The following AMPD3 variants were observed in gnomAD, a reference collection of about 807,000 sequenced individuals.
AMPD3 encodes adenosine monophosphate deaminase 3.
A neutral mutation model predicts 82.3 loss-of-function variants in AMPD3; 57 were observed. The ratio of observed to expected loss-of-function variants is 0.69; its 90% confidence interval spans 0.56 to 0.86. AMPD3 has a LOEUF of 0.86. AMPD3 is among the 40% of genes least tolerant of loss of function. The pLI is 0.00. For missense variants in AMPD3, 870 were observed against 1,003.8 expected (o/e 0.87, Z 1.80); for synonymous variants, 381 against 394.7 (o/e 0.97, Z 0.41).
chr11:10,476,091 C>T (rs1173610635), intron 2 of AMPD3, among the ~76,000 whole-genome samples: 1 of 152,150 alleles, frequency 6.6e-6, no homozygotes, highest in African/African-American at 2.4e-5. Context: ...ATTTGTTCTG[C>T]AGCAATAGAA....
At chr11:10,462,568 G>T (rs973714815) in intron 2 of AMPD3, among the ~76,000 whole-genome samples, 2 of 152,156 alleles carry the variant, frequency 1.3e-5, no homozygotes, top group Non-Finnish European at 2.9e-5. Context: ...CACCTTCCAG[G>T]TTCTCCCAGT....
At chr11:10,504,470 G>GT (rs1849661471) in intron 13 of AMPD3, 79 bp from the exon 14 acceptor site, 2 of 1,408,186 alleles carry the variant, frequency 1.4e-6, no homozygotes, top group South Asian at 1.2e-5. Flanking sequence ...AGTGTCTGAT[G>GT]TTGTTAGCTT....
intron 3 of AMPD3, chr11:10,481,356 A>AT (rs1414955380): frequency 1.6e-4 from 125 of 802,488 alleles, no homozygotes; most frequent in Middle Eastern, 6.5e-4. Context: ...GACGGTGCTC[A>AT]TCGCCTTCAG....
chr11:10,491,755 C>T (rs532158779), intron 6 of AMPD3, among the ~76,000 whole-genome samples: 1 of 152,286 alleles, frequency 6.6e-6, no homozygotes, highest in African/African-American at 2.4e-5. Context: ...TCCTGGGATT[C>T]CAGAATCTGG....
Position 10,456,269 on chromosome 11 carries a change from C to T in AMPD3, c.-6+821C>T. On this transcript the variant is annotated intron_variant, in intron 1 of 14. Coordinates refer to ENST00000396553, the MANE Select transcript of AMPD3 (RefSeq NM_001025389.2). The surrounding 1 kb of genome is among the most constrained non-coding windows in gnomAD (Gnocchi z 4.3). The stretch of plus-strand genomic sequence containing the variant: ...ATATGCAAAACAGAGACCTCCTACT[C>T]CAGCCGGCAGACAGGACCCAGCCAG... The T allele has an allele frequency of 6.4e-7, 1 of 1,568,450 alleles. No homozygotes were observed. Among genetic ancestry groups the T allele is most frequent in the South Asian group, 1.2e-5 (1 of 84,798 alleles).
At chr11:10,472,774 C>T (rs922468152) in intron 2 of AMPD3, among the ~76,000 whole-genome samples, 2 of 152,064 alleles carry the variant, frequency 1.3e-5, no homozygotes, top group African/African-American at 2.4e-5. Context: ...GAGGCTGAGG[C>T]GGGTGGATCA....
At chr11:10,501,029 G>A (rs1045406662) in intron 11 of AMPD3, 1 of 985,422 alleles carries the variant, frequency 1.0e-6, no homozygotes, top group Non-Finnish European at 1.2e-6. Flanking sequence ...TTTGGAGATG[G>A]GGGCTCTGGT....
In AMPD3 at chr11:10,455,445, G is replaced by C. The variant is rs779381507; in HGVS notation, c.-9G>C. 45 of 985,310 alleles carry C rather than the reference G, an allele frequency of 4.6e-5. No individual in the cohort carries two copies. Among genetic ancestry groups the C allele is most frequent in the Admixed American group, 6.1e-5 (1 of 16,266 alleles). The allele number at this position is 985,310 out of a possible 1,614,324, so 61.0% of individuals were successfully genotyped here. ...GGAGGCCCACGTGGGAGCAGTGAGCGGCTGTAAGCAGGGGAGGGTTTGGGG... is the reference window on the plus strand; with the variant it reads ...GGAGGCCCACGTGGGAGCAGTGAGCCGCTGTAAGCAGGGGAGGGTTTGGGG... On this transcript the variant is annotated 5_prime_UTR_variant, in exon 1 of 15. Transcript: ENST00000396553.
chr11:10,483,328 C>T (rs1468278564), intron 4 of AMPD3, among the ~76,000 whole-genome samples: 1 of 152,132 alleles, frequency 6.6e-6, no homozygotes, highest in East Asian at 1.9e-4. Context: ...TGGTGGTCTC[C>T]ATCAATGCCT....
intron 12 of AMPD3, chr11:10,502,385 G>A (rs1037828195): frequency 2.8e-5 from 28 of 985,342 alleles, no homozygotes; most frequent in African/African-American, 1.6e-4. Flanking sequence ...GACTGGGTCC[G>A]TGCCTAGGAG....
At chr11:10,467,984 A>G (rs1483826136) in intron 2 of AMPD3, among the ~76,000 whole-genome samples, 1 of 152,226 alleles carries the variant, frequency 6.6e-6, no homozygotes, top group Admixed American at 6.5e-5. Flanking sequence ...TTTTGTCACC[A>G]CCAGGCCTGC....
chr11:10,496,018 A>G (rs1450634405), intron 9 of AMPD3, among the ~76,000 whole-genome samples: 2 of 151,376 alleles, frequency 1.3e-5, no homozygotes, highest in African/African-American at 2.4e-5. Flanking sequence ...CCCTGATTCA[A>G]GCAATTCTTT....
chr11:10,472,694 A>C (rs1316292798), intron 2 of AMPD3, among the ~76,000 whole-genome samples: 2 of 152,170 alleles, frequency 1.3e-5, no homozygotes, highest in Non-Finnish European at 2.9e-5. Context: ...TAGTCAATCT[A>C]TCCCCTTTTA....
intron 7 of AMPD3, chr11:10,493,767 T>C: frequency 1.6e-6 from 1 of 612,140 alleles, no homozygotes; most frequent in Non-Finnish European, 2.9e-6. Context: ...GTCTAAGCAC[T>C]AATCCCACTC....
Position 10,497,005 on chromosome 11 carries a change from T to C in AMPD3, c.1557+67T>C. On this transcript the variant is annotated intron_variant, in intron 10 of 14. Coordinates refer to ENST00000396553, the MANE Select transcript of AMPD3 (RefSeq NM_001025389.2). ...AGGCAGGAATGGATTCGCTGTGAGC[T>C]GGGTCAGGCTTGCTCCTGCCCTTCA... 3 of 1,586,606 alleles carry C rather than the reference T, an allele frequency of 1.9e-6. No individual in the cohort carries two copies. The South Asian group carries it at 3.3e-5, about 18-fold the overall frequency.
chr11:10,478,652 C>T lies in AMPD3; in HGVS notation c.348C>T (p.Ala116=), dbSNP rs750685553. 6 of 1,614,228 alleles carry T rather than the reference C, an allele frequency of 3.7e-6. No individual in the cohort carries two copies. The South Asian group carries it at 6.6e-5, about 18-fold the overall frequency. The change falls in exon 3 of 15, where the codon GCC becomes GCT. Residue 116 remains alanine, a synonymous_variant. Coordinates refer to ENST00000396553, the MANE Select transcript of AMPD3 (RefSeq NM_001025389.2). ...CCACAACCCCTGTGGTCACTGGAGC[C>T]ACTTCCCTGCCCACGCCAGCACCCT... The part of the protein sequence containing the change: ...MSPTTPVVTG[A]TSLPTPAPYA...
At chr11:10,491,928 G>A (rs1435947177) in intron 6 of AMPD3, among the ~76,000 whole-genome samples, 2 of 152,152 alleles carry the variant, frequency 1.3e-5, no homozygotes, top group Non-Finnish European at 2.9e-5. Context: ...ATTGGTATAA[G>A]GAAAATAATT....
chr11:10,498,850 G>A (rs1464568139), intron 10 of AMPD3, among the ~76,000 whole-genome samples: 1 of 152,204 alleles, frequency 6.6e-6, no homozygotes, highest in Non-Finnish European at 1.5e-5. Context: ...CTGGTAGCAA[G>A]CCTCCCCTGT....
chr11:10,479,574 A>G, intron 3 of AMPD3, among the ~76,000 whole-genome samples: 1 of 152,236 alleles, frequency 6.6e-6, no homozygotes, highest in East Asian at 1.9e-4. Flanking sequence ...CAAAAATGGT[A>G]TCAATTATTC....
Sources: allele counts gnomAD v4.1 joint callset (sites outside exome capture counted in the v4.1 genomes callset), GRCh38; gene constraint gnomAD v4.1.1; non-coding constraint Gnocchi (gnomAD v3.1); transcripts MANE v1.5; gene names NCBI Gene and HGNC (gene_info 2026-07-23, HGNC 2026-07-21).